DOCK4: variants seen among roughly 807,000 people sequenced by gnomAD.
The protein encoded by DOCK4 is dedicator of cytokinesis protein 4.
DOCK4 carries 97 observed loss-of-function variants against 268.1 expected under a neutral mutation model. The ratio of observed to expected loss-of-function variants is 0.36; its 90% confidence interval spans 0.31 to 0.43. The LOEUF is 0.43. Ranked by LOEUF, DOCK4 falls within the 20% of genes least tolerant of loss-of-function variation. The probability of loss-of-function intolerance (pLI) is 1.00; values close to 1 mark genes in which losing one functional copy is unlikely to be tolerated. For synonymous variants in DOCK4, 954 were observed against 887.2 expected, an observed-to-expected ratio of 1.08 and a Z score of -1.34; for missense variants, 2,145 against 2,455.7, an observed-to-expected ratio of 0.87 and a Z score of 2.67.
chr7:111,783,827 G>A, intron 34 of DOCK4, 30 bp downstream of exon 34: 1 of 1,549,142 alleles, frequency 6.5e-7, no homozygotes, highest in African/African-American at 1.4e-5. Context: ...GCATGAACTG[G>A]AGTTCAGAAA....
At chr7:112,148,133 A>G (rs991382455) in intron 1 of DOCK4, among the ~76,000 whole-genome samples, 12 of 151,942 alleles carry the variant, frequency 7.9e-5, no homozygotes, top group Non-Finnish European at 1.6e-4. Flanking sequence ...TCCTGGAAAG[A>G]CAGAAAAGCT....
intron 1 of DOCK4, among the ~76,000 whole-genome samples, chr7:112,016,061 A>G (rs1382215657): frequency 6.6e-6 from 1 of 152,240 alleles, no homozygotes; most frequent in Non-Finnish European, 1.5e-5. Flanking sequence ...GAGGGGACAA[A>G]AACATTTAAA....
chr7:111,728,290 T>C lies in DOCK4; in HGVS notation c.5912A>G (p.Lys1971Arg). 6.7e-7 allele frequency: 1 copy of C among 1,499,408 alleles called. No individual in the cohort carries two copies. The allele number at this position is 1,499,408 out of a possible 1,614,324, so 92.9% of individuals were successfully genotyped here. A position where few individuals can be genotyped will look rare whatever the true frequency, so the allele number is the denominator to read the frequency against. ...AAAAGTGACTTATAACTGAGAGACC[T>C]TGCGGGGCAGGGGCCTGGGCCGCGG... ...PGPRPRPLPR[K>R]VSQL The change falls in exon 53 of 53, where the codon AAG (lysine) becomes AGG (arginine). Residue 1971 changes from lysine to arginine, a missense_variant. By Grantham distance (26) the Lys-to-Arg change is conservative. Coordinates refer to ENST00000428084, the MANE Select transcript of DOCK4 (RefSeq NM_001363540.2).
intron 12 of DOCK4, among the ~76,000 whole-genome samples, chr7:111,929,928 G>T (rs568821024): frequency 6.6e-6 from 1 of 152,306 alleles, no homozygotes; most frequent in East Asian, 1.9e-4. Context: ...CTGAACCATA[G>T]CCAATGATTT....
Position 111,727,943 on chromosome 7 carries a change from T to C in DOCK4, c.*331A>G, listed in dbSNP as rs1225257758. 1 of 217,566 alleles carries C rather than the reference T, an allele frequency of 4.6e-6. No individual in the cohort carries two copies. Among genetic ancestry groups the C allele is most frequent in the Admixed American group, 5.8e-5 (1 of 17,324 alleles). The allele number at this position is 217,566 out of a possible 1,614,324, so 13.5% of individuals were successfully genotyped here. A position where few individuals can be genotyped will look rare whatever the true frequency, so the allele number is the denominator to read the frequency against. On this transcript the variant is annotated 3_prime_UTR_variant, in exon 53 of 53. Transcript: ENST00000428084. The stretch of plus-strand genomic sequence containing the variant: ...AAAAACGATACAACATTGTCACACA[T>C]TGTATCGTTTGACAATATCGTATTG...
chr7:112,088,791 T>G (rs1307578173), intron 1 of DOCK4, among the ~76,000 whole-genome samples: 1 of 152,130 alleles, frequency 6.6e-6, no homozygotes, highest in African/African-American at 2.4e-5. Context: ...CTCTGTGCCC[T>G]TAGGAAGGTT....
Position 112,120,264 on chromosome 7 carries a change from TA to T in DOCK4, c.37+85837del, listed in dbSNP as rs372268830. ...TAAAACTCTGAACAGTAAAAACATC[TA>T]TTAATAATTGCAGAATTTTTTTTCA... On this transcript the variant is annotated intron_variant, in intron 1 of 52. Transcript: ENST00000428084. Among the ~76,000 whole-genome samples, 24 of 152,286 alleles carry T rather than the reference TA, an allele frequency of 1.6e-4. No homozygotes were observed. In the East Asian group the frequency reaches 4.4e-3, roughly 28 times the overall value.
Position 112,060,754 on chromosome 7 carries a change from T to C in DOCK4, c.38-56623A>G, listed in dbSNP as rs1250377501. Among the ~76,000 whole-genome samples the C allele has an allele frequency of 4.6e-5, 7 of 152,286 alleles. No homozygotes were observed. In the East Asian group the frequency reaches 1.4e-3, roughly 29 times the overall value. On this transcript the variant is annotated intron_variant, in intron 1 of 52. Coordinates refer to ENST00000428084, the MANE Select transcript of DOCK4 (RefSeq NM_001363540.2). ...AATACTGTATAATTCCACTCACATGTGGTAATCAGAGTAGTCAAAAACACA... is the reference window on the plus strand; with the variant it reads ...AATACTGTATAATTCCACTCACATGCGGTAATCAGAGTAGTCAAAAACACA...
At chr7:112,073,353 C>T (rs1231752210) in intron 1 of DOCK4, among the ~76,000 whole-genome samples, 1 of 151,928 alleles carries the variant, frequency 6.6e-6, no homozygotes, top group Non-Finnish European at 1.5e-5. Flanking sequence ...TGTTTACTGT[C>T]GCATTATCCA....
chr7:112,132,418 T>C (rs1463283611), intron 1 of DOCK4, among the ~76,000 whole-genome samples: 3 of 152,080 alleles, frequency 2.0e-5, no homozygotes, highest in Non-Finnish European at 4.4e-5. Flanking sequence ...AACAGGACAT[T>C]TGGTCATCCC....
chr7:111,762,650 G>A (rs114182056), intron 39 of DOCK4, among the ~76,000 whole-genome samples: 2,499 of 151,430 alleles, frequency 0.017, 60 homozygotes, highest in African/African-American at 0.056. Context: ...CTGCTATGAC[G>A]ATTCAGATAC....
intron 1 of DOCK4, among the ~76,000 whole-genome samples, chr7:112,139,585 T>C (rs1814697479): frequency 6.6e-6 from 1 of 152,144 alleles, no homozygotes; most frequent in Non-Finnish European, 1.5e-5. Context: ...AGGGAAAGTA[T>C]CAAATTAACA....
Position 112,018,179 on chromosome 7 carries a change from A to AAAAAAAAAAAAAACCAC in DOCK4, c.38-14049_38-14048insGTGGTTTTTTTTTTTTT. On this transcript the variant is annotated intron_variant, in intron 1 of 52. Transcript: ENST00000428084. ...AAAAAAAAAAAAAAAAAAAAAAAAA[A>AAAAAAAAAAAAAACCAC]ACACAGGCAACCAGTATTCATGTGG... Among the ~76,000 whole-genome samples the AAAAAAAAAAAAAACCAC allele has an allele frequency of 2.8e-5, 2 of 72,590 alleles. 1 individual carries two copies. The highest frequency in any genetic ancestry group is 1.1e-4 in the African/African-American group (2 of 18,470). 47.6% of individuals were successfully genotyped at this position (72,590 alleles called of 152,430 possible). A position where few individuals can be genotyped will look rare whatever the true frequency, so the allele number is the denominator to read the frequency against.
At chr7:111,797,930 T>C (rs1290641583) in intron 30 of DOCK4, among the ~76,000 whole-genome samples, 1 of 152,138 alleles carries the variant, frequency 6.6e-6, no homozygotes, top group Non-Finnish European at 1.5e-5. Context: ...AAGCAAGCTA[T>C]AGGACCAAAT....
intron 2 of DOCK4, among the ~76,000 whole-genome samples, chr7:112,003,692 C>A (rs1293372265): frequency 6.6e-6 from 1 of 152,136 alleles, no homozygotes; most frequent in African/African-American, 2.4e-5. Context: ...CTCAGGTAAG[C>A]CATGTCTGCT....
intron 1 of DOCK4, among the ~76,000 whole-genome samples, chr7:112,097,443 T>C (rs549169948): frequency 5.5e-4 from 84 of 151,794 alleles, no homozygotes; most frequent in African/African-American, 2.0e-3. Flanking sequence ...GGTGTGATGG[T>C]GTGCACCTGT....
chr7:111,863,377 T>C lies in DOCK4; in HGVS notation c.2468A>G (p.Asn823Ser), dbSNP rs753040390. 9.6e-5 allele frequency: 155 copies of C among 1,613,840 alleles called. No homozygotes were observed. Among genetic ancestry groups the C allele is most frequent in the Non-Finnish European group, 1.2e-4 (139 of 1,179,888 alleles). Residue 823 changes from asparagine to serine, a missense_variant, in exon 23 of 53, where the codon AAC becomes AGC. By Grantham distance (46) the Asn-to-Ser change is conservative. Around this residue, in one of 2 missense-constraint regions of DOCK4, gnomAD observed 1,598 missense variants for 1,986.7 expected, o/e 0.80. Coordinates refer to ENST00000428084, the MANE Select transcript of DOCK4 (RefSeq NM_001363540.2). ...CTCCAAGAGACTCACCCTACCTGGG[T>C]TGGTATAAAGCTGGCTTTCCACGGT... ...GKTVESQLYT[N>S]PDSRYILLPV...
chr7:112,047,629 G>A (rs1188632110), intron 1 of DOCK4, among the ~76,000 whole-genome samples: 3 of 152,152 alleles, frequency 2.0e-5, no homozygotes, highest in Non-Finnish European at 4.4e-5. Context: ...AAAGATTAAT[G>A]AAGTTGAAAA....
At chr7:112,192,186 C>T (rs1452943955) in intron 1 of DOCK4, among the ~76,000 whole-genome samples, 1 of 150,674 alleles carries the variant, frequency 6.6e-6, no homozygotes, top group East Asian at 1.9e-4. Context: ...TTCCTCTGCC[C>T]AGTCTTAGAA....
Sources: gnomAD v4.1 joint callset for allele counts (sites outside exome capture counted in the v4.1 genomes callset) on GRCh38, gnomAD v4.1.1 for gene constraint, gnomAD v4.1.1 regional missense constraint, MANE v1.5 for transcripts, NCBI Gene and HGNC (gene_info 2026-07-23, HGNC 2026-07-21) for gene names.